The following CEP162 variants were observed in gnomAD, a reference collection of about 807,000 sequenced individuals.
CEP162 encodes centrosomal protein 162.
Under a neutral mutation model 169.2 loss-of-function variants are expected in CEP162, and 141 were observed. The ratio of observed to expected loss-of-function variants is 0.83; its 90% CI spans 0.73 to 0.96. CEP162 has a LOEUF of 0.96. CEP162 is among the 40% of genes least tolerant of loss of function. The pLI is 0.00. For missense variants in CEP162, 1,600 were observed against 1,587.2 expected, an observed-to-expected ratio of 1.01 and a Z score of -0.14; for synonymous variants, 540 against 526.4, an observed-to-expected ratio of 1.03 and a Z score of -0.35.
chr6:84,194,594 T>C (rs1425998555), intron 10 of CEP162, among the ~76,000 whole-genome samples: 1 of 151,886 alleles, frequency 6.6e-6, no homozygotes, highest in Non-Finnish European at 1.5e-5. Flanking sequence ...GCTGGGACTA[T>C]AGGCGTGTGC....
chr6:84,205,535 A>G (rs182626829), intron 6 of CEP162, among the ~76,000 whole-genome samples: 1 of 152,072 alleles, frequency 6.6e-6, no homozygotes, highest in African/African-American at 2.4e-5. Flanking sequence ...CATGCTAAAA[A>G]CTCTTAATAA....
chr6:84,207,147 G>T (rs554817418), intron 6 of CEP162, among the ~76,000 whole-genome samples: 2 of 152,308 alleles, frequency 1.3e-5, no homozygotes, highest in South Asian at 2.1e-4. Flanking sequence ...TTCAATTGTG[G>T]AAGACAGTGT....
At chr6:84,162,014 C>CA (rs60724205) in intron 19 of CEP162, 105 bp from the exon 20 acceptor site, 25,886 of 701,806 alleles carry the variant, frequency 0.037, 2,051 homozygotes, top group African/African-American at 0.26. Flanking sequence ...CTAATGACAG[C>CA]ATTATGAAAA....
At chr6:84,188,103 CAAAAAAAA>C (rs200434055) in intron 11 of CEP162, among the ~76,000 whole-genome samples, 4 of 80,590 alleles carry the variant, frequency 5.0e-5, no homozygotes, top group African/African-American at 1.7e-4. Context: ...GACTCCGTCT[CAAAAAAAA>C]AAAAAAAAAG....
At chr6:84,176,181 G>A (rs1478481815) in intron 13 of CEP162, among the ~76,000 whole-genome samples, 1 of 151,970 alleles carries the variant, frequency 6.6e-6, no homozygotes, top group Non-Finnish European at 1.5e-5. Context: ...TATTCAAGAT[G>A]CTTTTTAAAT....
intron 2 of CEP162, among the ~76,000 whole-genome samples, chr6:84,223,283 G>A (rs1165834831): frequency 1.3e-5 from 2 of 149,914 alleles, no homozygotes; most frequent in South Asian, 2.1e-4. Flanking sequence ...GGCGGATCAC[G>A]AGGTCAGGAG....
At chr6:84,217,172 T>G (rs1289919692) in intron 3 of CEP162, among the ~76,000 whole-genome samples, 2 of 151,602 alleles carry the variant, frequency 1.3e-5, no homozygotes, top group African/African-American at 4.9e-5. Flanking sequence ...GCTTTATCAG[T>G]GAATAAAAAA....
At chr6:84,154,617 T>C (rs2099522449) in intron 22 of CEP162, among the ~76,000 whole-genome samples, 1 of 152,180 alleles carries the variant, frequency 6.6e-6, no homozygotes, top group African/African-American at 2.4e-5. Flanking sequence ...GTGTTAACAG[T>C]ATCTACTCCT....
chr6:84,190,875 G>T (rs1010279008), intron 11 of CEP162, among the ~76,000 whole-genome samples: 9 of 152,202 alleles, frequency 5.9e-5, no homozygotes, highest in Non-Finnish European at 1.0e-4. Flanking sequence ...TAGAGACCAG[G>T]TTTCACTATG....
chr6:84,160,715 G>C (rs1217852291), intron 21 of CEP162, 97 bp downstream of exon 21: 19 of 714,550 alleles, frequency 2.7e-5, no homozygotes, highest in Non-Finnish European at 4.2e-5. Context: ...AAAATTTCCA[G>C]GTCAACTCCA....
At chr6:84,226,044 T>G (rs1393881808) in intron 2 of CEP162, among the ~76,000 whole-genome samples, 1 of 150,288 alleles carries the variant, frequency 6.7e-6, no homozygotes, top group African/African-American at 2.5e-5. Context: ...AGGAGTTGTT[T>G]GTTTTTTTTT....
At chr6:84,136,805 T>C (rs1194887472) in intron 25 of CEP162, among the ~76,000 whole-genome samples, 2 of 152,226 alleles carry the variant, frequency 1.3e-5, no homozygotes, top group Non-Finnish European at 2.9e-5. Flanking sequence ...GAAGTGGCTA[T>C]GTACAGATAA....
At position 84,129,532 on chromosome 6, in the gene CEP162, TG is replaced by T. The variant is rs374506034; in HGVS notation, c.3871-3021del. Among the ~76,000 whole-genome samples, 74 of 152,280 alleles carry T rather than the reference TG, an allele frequency of 4.9e-4. No individual in the cohort carries two copies. The East Asian group carries it at 0.011, about 22-fold the overall frequency. Reference sequence around the variant, plus strand: ...TCCTTTGCCCACTTTTTGATGGGGATGTTTTTTTTCTTGTAAATTTGTTTAA... The same window carrying T: ...TCCTTTGCCCACTTTTTGATGGGGATTTTTTTTTCTTGTAAATTTGTTTAA... On this transcript the variant is annotated intron_variant, in intron 25 of 26. Transcript: ENST00000403245.
chr6:84,125,375 G>A, intron 26 of CEP162, 99 bp from the exon 27 acceptor site: 2 of 965,288 alleles, frequency 2.1e-6, no homozygotes, highest in Non-Finnish European at 3.2e-6. Context: ...TTTCTTTGGG[G>A]AACTCAGGTA....
At chr6:84,129,398 G>A (rs2099510308) in intron 25 of CEP162, among the ~76,000 whole-genome samples, 1 of 152,136 alleles carries the variant, frequency 6.6e-6, no homozygotes, top group Non-Finnish European at 1.5e-5. Context: ...GCATGAGATG[G>A]TATCTCATTG....
chr6:84,161,704 G>T, intron 20 of CEP162, 42 bp downstream of exon 20: 1 of 1,369,656 alleles, frequency 7.3e-7, no homozygotes, highest in Non-Finnish European at 1.0e-6. Context: ...ACGGACAAAA[G>T]GATTCATCTA....
chr6:84,217,844 C>T (rs780233389), intron 3 of CEP162: 6 of 152,066 alleles, frequency 3.9e-5, no homozygotes, highest in Non-Finnish European at 5.9e-5. Context: ...AGGAATAACC[C>T]GGAGTTCAGT....
rs139054693 is a variant in CEP162 at position 84,200,879 on chromosome 6, C to T, written c.745G>A (p.Val249Ile). The change falls in exon 9 of 27, where the codon GTT becomes ATT. Residue 249 changes from valine to isoleucine, a missense_variant. Val to Ile is a conservative substitution (Grantham distance 29, BLOSUM62 3). Transcript: ENST00000403245. Reference protein sequence around the residue: ...NVVLLDSLDSVAEVNLDEQDK... With the variant: ...NVVLLDSLDSIAEVNLDEQDK... The stretch of plus-strand genomic sequence containing the variant: ...TGTTCATCAAGATTGACCTCTGCAA[C>T]AGAGTCTAATGAATCAAGCAGCACA... The T allele has an allele frequency of 3.1e-5, 50 of 1,608,358 alleles. No individual in the cohort carries two copies. The African/African-American group carries it at 6.4e-4, about 21-fold the overall frequency.
intron 2 of CEP162, among the ~76,000 whole-genome samples, chr6:84,225,037 G>A (rs146075967): frequency 2.6e-5 from 4 of 152,072 alleles, no homozygotes; most frequent in South Asian, 4.2e-4. Context: ...TCCATGAGAC[G>A]GATAATGAAG....
Sources: gnomAD v4.1 joint callset for allele counts (sites outside exome capture counted in the v4.1 genomes callset) on GRCh38, gnomAD v4.1.1 for gene constraint, MANE v1.5 for transcripts, NCBI Gene and HGNC (gene_info 2026-07-23, HGNC 2026-07-21) for gene names.